PALLD: variants seen among roughly 807,000 people sequenced by gnomAD.
PALLD encodes the protein palladin, cytoskeletal associated protein.
A neutral mutation model predicts 123.5 loss-of-function variants in PALLD; 61 were observed. The ratio of observed to expected loss-of-function variants is 0.49; its 90% confidence interval spans 0.40 to 0.61. PALLD has a LOEUF of 0.61. Among genes scored for constraint, PALLD ranks in the 20% least tolerant of loss-of-function variants. The pLI is 0.00. For missense variants in PALLD, 1,273 were observed against 1,377.0 expected (o/e 0.92, Z 1.20); for synonymous variants, 465 against 496.4 (o/e 0.94, Z 0.84).
chr4:168,518,551 G>A (rs989997515), intron 2 of PALLD, among the ~76,000 whole-genome samples: 1 of 152,242 alleles, frequency 6.6e-6, no homozygotes, highest in South Asian at 2.1e-4. Context: ...CTTGTCTGGG[G>A]CCTGTGTACT....
Position 168,711,795 on chromosome 4 carries a change from A to G in PALLD, c.1836A>G (p.Gly612=). The change falls in exon 10 of 22, where the codon GGA becomes GGG. Residue 612 remains glycine, a synonymous_variant. Coordinates refer to ENST00000505667, the MANE Select transcript of PALLD (RefSeq NM_001166108.2). The stretch of plus-strand genomic sequence containing the variant: ...ATGCTGCTGAGAGGGAAACGAACGG[A>G]GTCCATCCCAGCCGTGGAGTAAATG... The part of the protein sequence containing the change: ...QFNAAERETN[G]VHPSRGVNGL... The G allele has an allele frequency of 6.2e-7, 1 of 1,614,168 alleles. No individual in the cohort carries two copies. Among genetic ancestry groups the G allele is most frequent in the East Asian group, 2.2e-5 (1 of 44,880 alleles).
chr4:168,508,471 T>C (rs6552861), intron 1 of PALLD, among the ~76,000 whole-genome samples: 99,911 of 151,952 alleles, frequency 0.66, 33,965 homozygotes, highest in East Asian at 0.86. Context: ...CTGGTCCATG[T>C]AGTACATCTA....
At chr4:168,576,154 T>C (rs956982555) in intron 2 of PALLD, among the ~76,000 whole-genome samples, 1 of 152,156 alleles carries the variant, frequency 6.6e-6, no homozygotes, top group African/African-American at 2.4e-5. Flanking sequence ...CTTTTTAATA[T>C]TTCAATATCT....
chr4:168,561,567 GC>G (rs1767873123), intron 2 of PALLD, among the ~76,000 whole-genome samples: 1 of 152,182 alleles, frequency 6.6e-6, no homozygotes, highest in South Asian at 2.1e-4. Context: ...GCACCTCTGT[GC>G]CCAGCCCCAG....
chr4:168,816,578 T>C (rs989878924), intron 10 of PALLD, among the ~76,000 whole-genome samples: 1 of 150,976 alleles, frequency 6.6e-6, no homozygotes, highest in Non-Finnish European at 1.5e-5. Flanking sequence ...TGTTTTTGGG[T>C]TTTTTTTGGT....
At chr4:168,691,388 T>A in intron 8 of PALLD, 96 bp downstream of exon 8, 1 of 992,576 alleles carries the variant, frequency 1.0e-6, no homozygotes, top group Non-Finnish European at 1.6e-6. Context: ...CTTAAAGCCG[T>A]AAGCAGAACA....
rs146683197 is a variant in PALLD at position 168,697,293 on chromosome 4, A to G, written c.1501+6001A>G. Among the ~76,000 whole-genome samples, 53 of 152,370 alleles carry G rather than the reference A, an allele frequency of 3.5e-4. 2 individuals carry two copies. The East Asian group carries it at 0.01, about 29-fold the overall frequency. On this transcript the variant is annotated intron_variant, in intron 8 of 21. Transcript: ENST00000505667. Reference sequence around the variant, plus strand: ...CCTCTGGAACCCGACAGTGTGCTCCACCACAGCAAGAGAATTAATCCAGAA... The same window carrying G: ...CCTCTGGAACCCGACAGTGTGCTCCGCCACAGCAAGAGAATTAATCCAGAA...
At position 168,903,774 on chromosome 4, in the gene PALLD, T is replaced by C; in HGVS notation, c.2490T>C (p.Asp830=). 2 of 1,612,724 alleles carry C rather than the reference T, an allele frequency of 1.2e-6. No individual in the cohort carries two copies. The highest frequency in any genetic ancestry group is 1.7e-6 in the Non-Finnish European group (2 of 1,178,760). Residue 830 remains aspartate, a synonymous_variant, in exon 15 of 22, where the codon GAT becomes GAC. Transcript: ENST00000505667. ...ATTCACAGATCTATTGGTTTAAAGA[T>C]GGGAAGCAGATCTCTCCAAAGAGTG... ...NPKPKIYWFK[D]GKQISPKSDH...
intron 10 of PALLD, among the ~76,000 whole-genome samples, chr4:168,808,348 C>T (rs111828713): frequency 3.3e-5 from 5 of 151,646 alleles, no homozygotes; most frequent in African/African-American, 7.3e-5. Context: ...GGCATGGTGA[C>T]GTGTACCTGT....
In PALLD at chr4:168,522,805, A is replaced by C. The variant is rs1156472568; in HGVS notation, c.908+10393A>C. Among the ~76,000 whole-genome samples, 3 of 152,346 alleles carry C rather than the reference A, an allele frequency of 2.0e-5. No individual in the cohort carries two copies. In the South Asian group the frequency reaches 6.2e-4, roughly 32 times the overall value. ...TATTTAATTTTAATTGATTTGAGCCAAGAAATAGCATCCTATTGGATATCT... is the reference window on the plus strand; with the variant it reads ...TATTTAATTTTAATTGATTTGAGCCCAGAAATAGCATCCTATTGGATATCT... On this transcript the variant is annotated intron_variant, in intron 2 of 21. Coordinates refer to ENST00000505667, the MANE Select transcript of PALLD (RefSeq NM_001166108.2).
intron 2 of PALLD, among the ~76,000 whole-genome samples, chr4:168,655,010 A>C (rs1778418935): frequency 6.6e-6 from 1 of 151,822 alleles, no homozygotes; most frequent in African/African-American, 2.4e-5. Context: ...TGTGTGTAAT[A>C]GTGTAATTTC....
In PALLD at chr4:168,924,408, C is replaced by T. The variant is rs774033076; in HGVS notation, c.3212C>T (p.Thr1071Ile). ...KKENESLTHSTDRVSMHQDNH... is the reference protein window; with the variant it reads ...KKENESLTHSIDRVSMHQDNH... ...GAAAATGAATCACTCACTCACAGCA[C>T]TGACCGAGTGAGGTAAGACTGCACA... The change falls in exon 19 of 22, where the codon ACT (threonine) becomes ATT (isoleucine). Residue 1071 changes from threonine to isoleucine, a missense_variant. Physicochemically the swap from Thr to Ile is moderately conservative, Grantham distance 89 (BLOSUM62 -1). This residue lies in a region of PALLD where 329 missense variants were observed against 422.5 expected (regional missense o/e 0.78). Transcript: ENST00000505667. 6.2e-7 allele frequency: 1 copy of T among 1,613,596 alleles called. No homozygotes were observed. Among genetic ancestry groups the T allele is most frequent in the Non-Finnish European group, 8.5e-7 (1 of 1,179,538 alleles).
chr4:168,520,303 G>A (rs150850455), intron 2 of PALLD, among the ~76,000 whole-genome samples: 9,754 of 144,508 alleles, frequency 0.067, 621 homozygotes, highest in African/African-American at 0.16. Context: ...TCCAGGCTGG[G>A]TGACAGAGCG....
At chr4:168,920,407 G>C (rs184940507) in intron 17 of PALLD, among the ~76,000 whole-genome samples, 2 of 152,312 alleles carry the variant, frequency 1.3e-5, no homozygotes, top group African/African-American at 4.8e-5. Flanking sequence ...GAATTTGTGA[G>C]TCCTCTGGCT....
At chr4:168,811,114 A>C (rs2150740264) in intron 10 of PALLD, among the ~76,000 whole-genome samples, 1 of 152,342 alleles carries the variant, frequency 6.6e-6, no homozygotes, top group Non-Finnish European at 1.5e-5. Flanking sequence ...TATTACAGTG[A>C]ATCTTCCAAG....
At chr4:168,891,786 C>T (rs1437221146) in intron 11 of PALLD, among the ~76,000 whole-genome samples, 2 of 151,612 alleles carry the variant, frequency 1.3e-5, no homozygotes, top group African/African-American at 2.4e-5. Context: ...CCAGAAACAG[C>T]GAACTGCAAT....
chr4:168,619,652 A>G lies in PALLD; in HGVS notation c.909-48538A>G, dbSNP rs188179176. The stretch of plus-strand genomic sequence containing the variant: ...CTTTCAGTAGAACCAACTCAGATCT[A>G]TGGATCCTTAACAGCTGGAGGAAGA... On this transcript the variant is annotated intron_variant, in intron 2 of 21. Transcript: ENST00000505667. Among the ~76,000 whole-genome samples the G allele has an allele frequency of 5.8e-3, 889 of 152,318 alleles. 4 individuals carry two copies. Among genetic ancestry groups the G allele is most frequent in the Non-Finnish European group, 0.011 (717 of 68,032 alleles).
chr4:168,545,355 C>T (rs1000630438), intron 2 of PALLD, among the ~76,000 whole-genome samples: 1 of 151,944 alleles, frequency 6.6e-6, no homozygotes, highest in African/African-American at 2.4e-5. Context: ...GGTGAAACCT[C>T]GTCTCTACTA....
intron 10 of PALLD, among the ~76,000 whole-genome samples, chr4:168,872,335 G>A (rs538381688): frequency 3.2e-4 from 48 of 152,284 alleles, no homozygotes; most frequent in African/African-American, 1.0e-3. Flanking sequence ...ATTTCACTCA[G>A]GTCACTTCTC....
Sources: allele counts gnomAD v4.1 joint callset (sites outside exome capture counted in the v4.1 genomes callset), GRCh38; gene constraint gnomAD v4.1.1; regional missense constraint gnomAD v4.1.1; transcripts MANE v1.5; gene names NCBI Gene and HGNC (gene_info 2026-07-23, HGNC 2026-07-21).